Variants in WIPF3 observed in about 807,000 individuals in gnomAD.
WIPF3 encodes WAS/WASL-interacting protein family member 3.
WIPF3 carries 33 observed loss-of-function variants against 38.9 expected under a neutral mutation model. The ratio of observed to expected loss-of-function variants is 0.85; its 90% CI spans 0.64 to 1.14. The LOEUF (loss-of-function observed/expected upper bound fraction) is 1.14. WIPF3 is among the 50% of genes most tolerant of loss of function. The pLI is 0.00. For missense variants in WIPF3, 711 were observed against 652.5 expected (o/e 1.09, Z -0.98); for synonymous variants, 324 against 269.3 (o/e 1.20, Z -1.99).
chr7:29,813,112 G>C (rs867117197), intron 1 of WIPF3, among the ~76,000 whole-genome samples: 1 of 152,290 alleles, frequency 6.6e-6, no homozygotes, highest in Non-Finnish European at 1.5e-5. Context: ...AAGGACCCAA[G>C]GGGTCACCCC....
At chr7:29,886,288 T>A (rs1169361413) in intron 5 of WIPF3, among the ~76,000 whole-genome samples, 4 of 149,860 alleles carry the variant, frequency 2.7e-5, no homozygotes, top group Non-Finnish European at 5.9e-5. Flanking sequence ...TTTGGGCTGA[T>A]AAGCCCCTTC....
chr7:29,889,075 G>A (rs972920734), intron 6 of WIPF3, among the ~76,000 whole-genome samples: 1 of 152,248 alleles, frequency 6.6e-6, no homozygotes, highest in Middle Eastern at 3.4e-3. Flanking sequence ...TGGGTGACAG[G>A]GAGTGACTGG....
intron 6 of WIPF3, 35 bp from the exon 7 acceptor site, chr7:29,889,271 A>G: frequency 6.4e-7 from 1 of 1,558,426 alleles, no homozygotes; most frequent in Non-Finnish European, 8.8e-7. Flanking sequence ...CATGACAGTA[A>G]CCTGAGTAAC....
At chr7:29,842,608 T>C (rs1784930738) in intron 2 of WIPF3, among the ~76,000 whole-genome samples, 1 of 152,182 alleles carries the variant, frequency 6.6e-6, no homozygotes, top group Non-Finnish European at 1.5e-5. Context: ...CTGTGACATA[T>C]ATTGGGAGGT....
At chr7:29,892,942 G>A (rs547878828) in intron 7 of WIPF3, among the ~76,000 whole-genome samples, 5 of 152,298 alleles carry the variant, frequency 3.3e-5, no homozygotes, top group South Asian at 2.1e-4. Flanking sequence ...GCGGACGCCC[G>A]TAATCCCAGC....
chr7:29,898,263 C>A (rs943472860), intron 7 of WIPF3, among the ~76,000 whole-genome samples: 1 of 152,330 alleles, frequency 6.6e-6, no homozygotes, highest in African/African-American at 2.4e-5. Flanking sequence ...TTACACCACA[C>A]ACTTCAGAGT....
chr7:29,902,875 G>A (rs982281158), intron 7 of WIPF3, among the ~76,000 whole-genome samples: 2 of 151,238 alleles, frequency 1.3e-5, no homozygotes, highest in Non-Finnish European at 2.9e-5. Context: ...TTTTTTTAAT[G>A]GTGATTCTAC....
At chr7:29,879,947 G>A (rs1398516562) in intron 4 of WIPF3, among the ~76,000 whole-genome samples, 2 of 152,172 alleles carry the variant, frequency 1.3e-5, no homozygotes, top group African/African-American at 2.4e-5. Flanking sequence ...GCCAAAACAA[G>A]TCACAAGGAT....
intron 2 of WIPF3, among the ~76,000 whole-genome samples, chr7:29,857,131 G>A (rs1213044265): frequency 6.6e-6 from 1 of 152,074 alleles, no homozygotes; most frequent in African/African-American, 2.4e-5. Context: ...CCTTACCAGC[G>A]TGAAGCACAG....
rs1245705867 is a variant in WIPF3 at position 29,917,000 on chromosome 7, T to G, written c.*2484T>G. 1 of 152,240 alleles carries G rather than the reference T, an allele frequency of 6.6e-6. No individual in the cohort carries two copies. Among genetic ancestry groups the G allele is most frequent in the Non-Finnish European group, 1.5e-5 (1 of 68,044 alleles). The allele number at this position is 152,240 out of a possible 1,614,324, so 9.4% of individuals were successfully genotyped here. ...CCAATGTTTCACGTGTATTTTATAT[T>G]TATTGATGTCTCCTTCCGCAGATTC... is the stretch of plus-strand genomic sequence containing the variant. On this transcript the variant is annotated 3_prime_UTR_variant, in exon 9 of 9. Transcript: ENST00000242140.
At chr7:29,857,736 A>AAT (rs1404971765) in intron 2 of WIPF3, among the ~76,000 whole-genome samples, 1 of 152,178 alleles carries the variant, frequency 6.6e-6, no homozygotes, top group Non-Finnish European at 1.5e-5. Flanking sequence ...GTAAACATTG[A>AAT]ATATATCTCT....
chr7:29,884,311 C>CAAAG lies in WIPF3; in HGVS notation c.817_818insAAAG (p.Pro273GlnfsTer46). ...CCCTCTGCTCCCACCTTGTGGGTAT[C>CAAAG]CGGGGCTCAAAGCGGAGCCCGCCAG... is the stretch of plus-strand genomic sequence containing the variant. On this transcript the variant is annotated frameshift_variant, in exon 5 of 9. Coordinates refer to ENST00000242140, the MANE Select transcript of WIPF3 (RefSeq NM_001080529.3). LOFTEE classifies it high-confidence loss of function. 8.0e-7 allele frequency: 1 copy of CAAAG among 1,257,556 alleles called. No homozygotes were observed. The allele number at this position is 1,257,556 out of a possible 1,614,324, so 77.9% of individuals were successfully genotyped here.
chr7:29,858,494 A>AAT (rs139136670), intron 2 of WIPF3, among the ~76,000 whole-genome samples: 2,813 of 152,290 alleles, frequency 0.018, 87 homozygotes, highest in African/African-American at 0.065. Context: ...GCAAGACAAA[A>AAT]ACAGTCGAGA....
At position 29,823,784 on chromosome 7, in the gene WIPF3, T is replaced by C. The variant is rs115991185; in HGVS notation, c.-57-10884T>C. Among the ~76,000 whole-genome samples the C allele has an allele frequency of 0.013, 1,987 of 152,232 alleles. 47 individuals carry two copies. Among genetic ancestry groups the C allele is most frequent in the African/African-American group, 0.046 (1,923 of 41,522 alleles). On this transcript the variant is annotated intron_variant, in intron 1 of 8. Transcript: ENST00000242140. This position sits in a 1 kb window ranked among gnomAD's most constrained non-coding sequence, Gnocchi z 4.0. Reference sequence around the variant, plus strand: ...TGATGTTGAGTGAGTTCTCACGAGATCTGATTGTTTAAAAGTGCGTGGCAC... The same window carrying C: ...TGATGTTGAGTGAGTTCTCACGAGACCTGATTGTTTAAAAGTGCGTGGCAC...
At chr7:29,842,782 C>G (rs1784933805) in intron 2 of WIPF3, among the ~76,000 whole-genome samples, 1 of 152,032 alleles carries the variant, frequency 6.6e-6, no homozygotes, top group Non-Finnish European at 1.5e-5. Flanking sequence ...CAGAGGGTCG[C>G]TAGGTGGAAG....
At chr7:29,813,425 A>G (rs1157539637) in intron 1 of WIPF3, among the ~76,000 whole-genome samples, 8 of 152,312 alleles carry the variant, frequency 5.3e-5, no homozygotes, top group Non-Finnish European at 1.0e-4. Flanking sequence ...CCCCCAAGCC[A>G]CAGCACCCAT....
At chr7:29,819,656 A>AT (rs1784507284) in intron 1 of WIPF3, among the ~76,000 whole-genome samples, 1 of 151,750 alleles carries the variant, frequency 6.6e-6, no homozygotes, top group African/African-American at 2.4e-5. Context: ...TACAGCTATG[A>AT]TTTTTGCTCT....
intron 2 of WIPF3, among the ~76,000 whole-genome samples, chr7:29,854,288 A>T (rs1049973850): frequency 3.3e-5 from 5 of 152,226 alleles, no homozygotes; most frequent in African/African-American, 1.2e-4. Flanking sequence ...AATTTTCTCT[A>T]TATTTATAGA....
intron 4 of WIPF3, among the ~76,000 whole-genome samples, chr7:29,881,972 G>C (rs916251858): frequency 1.3e-5 from 2 of 152,126 alleles, no homozygotes; most frequent in African/African-American, 2.4e-5. Flanking sequence ...GCTCTCTGTC[G>C]GCCCAGGCCT....
Sources: allele counts gnomAD v4.1 joint callset (sites outside exome capture counted in the v4.1 genomes callset), GRCh38; gene constraint gnomAD v4.1.1; non-coding constraint Gnocchi (gnomAD v3.1); transcripts MANE v1.5; gene names NCBI Gene and HGNC (gene_info 2026-07-23, HGNC 2026-07-21).